Variants in PTPRH observed in about 807,000 individuals in gnomAD.
PTPRH encodes the protein receptor-type tyrosine-protein phosphatase H.
A neutral mutation model predicts 130.2 loss-of-function variants in PTPRH; 113 were observed. That is an observed-to-expected ratio of 0.87 (90% CI 0.75 to 1.01). PTPRH has a LOEUF of 1.01. PTPRH is among the 50% of genes least tolerant of loss of function. The pLI is 0.00. For synonymous variants in PTPRH, 556 were observed against 577.9 expected, an observed-to-expected ratio of 0.96 and a Z score of 0.54; for missense variants, 1,430 against 1,425.0, an observed-to-expected ratio of 1.00 and a Z score of -0.06.
chr19:55,193,627 T>A (rs2086603109), intron 10 of PTPRH, among the ~76,000 whole-genome samples: 1 of 152,066 alleles, frequency 6.6e-6, no homozygotes, highest in South Asian at 2.1e-4. Context: ...CTCAATATCC[T>A]ACAATGCGCA....
At chr19:55,190,865 G>A (rs778342098) in intron 12 of PTPRH, among the ~76,000 whole-genome samples, 2 of 150,792 alleles carry the variant, frequency 1.3e-5, no homozygotes, top group Admixed American at 6.6e-5. Flanking sequence ...TTTTTGAGAC[G>A]GAGTCTCGAT....
At chr19:55,195,346 T>C (rs1297974637) in intron 10 of PTPRH, among the ~76,000 whole-genome samples, 5 of 148,754 alleles carry the variant, frequency 3.4e-5, no homozygotes, top group African/African-American at 1.0e-4. Context: ...AAATAAAAAA[T>C]AAAAAGTTAG....
intron 14 of PTPRH, among the ~76,000 whole-genome samples, chr19:55,186,816 G>A (rs2086350106): frequency 6.6e-6 from 1 of 152,092 alleles, no homozygotes; most frequent in Non-Finnish European, 1.5e-5. Context: ...AGGCTGAGGT[G>A]GGTGGATCAC....
At chr19:55,183,995 G>T (rs1011192193) in intron 18 of PTPRH, among the ~76,000 whole-genome samples, 1 of 151,558 alleles carries the variant, frequency 6.6e-6, no homozygotes, top group Admixed American at 6.6e-5. Context: ...CTAAAATGGG[G>T]AGGACATTGC....
intron 3 of PTPRH, 134 bp downstream of exon 3, chr19:55,206,555 A>C: frequency 1.1e-6 from 1 of 944,492 alleles, no homozygotes; most frequent in South Asian, 2.9e-5. Context: ...CTGATAGAAA[A>C]TTGAAATTCT....
At chr19:55,192,073 A>G in intron 10 of PTPRH, 1 of 435,774 alleles carries the variant, frequency 2.3e-6, no homozygotes, top group Non-Finnish European at 4.5e-6. Flanking sequence ...ATTCTTAGTA[A>G]CATTTTTTTC....
intron 18 of PTPRH, among the ~76,000 whole-genome samples, chr19:55,182,570 CATCT>C (rs1306468862): frequency 6.6e-6 from 1 of 152,086 alleles, no homozygotes; most frequent in African/African-American, 2.4e-5. Context: ...GAGTTCCTTC[CATCT>C]GTTAGGCTCT....
At position 55,197,171 on chromosome 19, in the gene PTPRH, A is replaced by T; in HGVS notation, c.1936T>A (p.Trp646Arg). 6.2e-7 allele frequency: 1 copy of T among 1,614,242 alleles called. No homozygotes were observed. Among genetic ancestry groups the T allele is most frequent in the Middle Eastern group, 1.6e-4 (1 of 6,062 alleles). Residue 646 changes from tryptophan (W) to arginine (R), a missense_variant, in exon 9 of 20, where the codon TGG becomes AGG. By Grantham distance (101) the Trp-to-Arg change is moderately radical. Transcript: ENST00000376350. ...CTGGCTACGTCATTCCTCTCTGCCC[A>T]CACGGTGAAATTGTACAACGTCCCG... Reference protein sequence around the residue: ...EPGTLYNFTVWAERNDVASST... With the variant: ...EPGTLYNFTVRAERNDVASST...
chr19:55,203,334 A>G (rs2122258446), intron 5 of PTPRH, among the ~76,000 whole-genome samples: 1 of 151,568 alleles, frequency 6.6e-6, no homozygotes, highest in South Asian at 2.1e-4. Context: ...CTCAAAAAAA[A>G]AAAAAAAAAA....
intron 6 of PTPRH, among the ~76,000 whole-genome samples, chr19:55,201,160 T>C (rs1418861168): frequency 6.6e-6 from 1 of 151,972 alleles, no homozygotes; most frequent in Non-Finnish European, 1.5e-5. Context: ...GTAGGGAGAT[T>C]GCTTGAGGCC....
At chr19:55,187,894 C>G (rs1453608815) in intron 13 of PTPRH, among the ~76,000 whole-genome samples, 184 bp downstream of exon 13, 2 of 151,782 alleles carry the variant, frequency 1.3e-5, no homozygotes, top group African/African-American at 4.8e-5. Context: ...GACTGACCCA[C>G]CATTATTTTA....
Position 55,197,401 on chromosome 19 carries a change from G to T in PTPRH, c.1706C>A (p.Thr569Lys). ...LTAATAPNEVTDLQNETQTKN... is the reference protein window; with the variant it reads ...LTAATAPNEVKDLQNETQTKN... ...AGTCTGAGTTTCATTCTGGAGATCT[G>T]TGACCTCATTGGGAGCTGAGAAGTG... The change falls in exon 9 of 20, where the codon ACA (threonine) becomes AAA (lysine). Residue 569 changes from threonine to lysine, a missense_variant. By Grantham distance (78) the Thr-to-Lys change is moderately conservative. Transcript: ENST00000376350. 1 of 1,612,610 alleles carries T rather than the reference G, an allele frequency of 6.2e-7. No homozygotes were observed. Among genetic ancestry groups the T allele is most frequent in the Non-Finnish European group, 8.5e-7 (1 of 1,178,650 alleles).
At chr19:55,203,137 G>A (rs1299008720) in intron 5 of PTPRH, among the ~76,000 whole-genome samples, 2 of 151,470 alleles carry the variant, frequency 1.3e-5, no homozygotes, top group African/African-American at 4.8e-5. Flanking sequence ...GACCATCCTG[G>A]CTAACACGGT....
intron 16 of PTPRH, 82 bp downstream of exon 16, chr19:55,186,143 G>T: frequency 6.4e-7 from 1 of 1,571,510 alleles, no homozygotes; most frequent in South Asian, 1.2e-5. Flanking sequence ...AATCCGTAAG[G>T]TCTGGGTGTG....
At position 55,185,496 on chromosome 19, in the gene PTPRH, C is replaced by T. The variant is rs963233803; in HGVS notation, c.3062+6G>A. The T allele has an allele frequency of 1.9e-6, 3 of 1,613,822 alleles. No individual in the cohort carries two copies. Among genetic ancestry groups the T allele is most frequent in the Non-Finnish European group, 2.5e-6 (3 of 1,179,874 alleles). ...TCAAGGGAGAGGGTCCTGGGCTGGT[C>T]CCCACCTGCAGTGCACAATGGGTGG... On this transcript the variant is annotated splice_donor_region_variant and intron_variant, in intron 18 of 19. Coordinates refer to ENST00000376350, the MANE Select transcript of PTPRH (RefSeq NM_002842.5).
At chr19:55,206,609 T>A (rs1027413648) in intron 3 of PTPRH, 80 bp downstream of exon 3, 8 of 1,360,660 alleles carry the variant, frequency 5.9e-6, no homozygotes, top group Non-Finnish European at 7.8e-6. Context: ...AAAGAACCTG[T>A]CGCATTTTGT....
At chr19:55,192,767 G>C (rs1203122279) in intron 10 of PTPRH, among the ~76,000 whole-genome samples, 2 of 151,586 alleles carry the variant, frequency 1.3e-5, no homozygotes, top group Admixed American at 6.6e-5. Context: ...TAGCCAGGGT[G>C]GTCCTGATCT....
chr19:55,186,528 CG>C lies in PTPRH; in HGVS notation c.2578del (p.Arg860GlyfsTer4), dbSNP rs1568892984. 8.5e-6 allele frequency: 12 copies of C among 1,411,048 alleles called. No homozygotes were observed. The highest frequency in any genetic ancestry group is 2.0e-4 in the Middle Eastern group (1 of 5,070). The allele number at this position is 1,411,048 out of a possible 1,614,324, so 87.4% of individuals were successfully genotyped here. On this transcript the variant is annotated frameshift_variant, in exon 15 of 20. Coordinates refer to ENST00000376350, the MANE Select transcript of PTPRH (RefSeq NM_002842.5). ...YRNVLPYDWS[R>X]VPLKPIHEEP... ...CTCATGGATGGGCTTCAGGGGCACCCGGGACCAGTCATCTAGGAGAAGAGGC... is the reference window on the plus strand; with the variant it reads ...CTCATGGATGGGCTTCAGGGGCACCCGGACCAGTCATCTAGGAGAAGAGGC...
chr19:55,188,017 G>C, intron 13 of PTPRH, 61 bp downstream of exon 13: 1 of 1,056,760 alleles, frequency 9.5e-7, no homozygotes, highest in South Asian at 1.2e-5. Context: ...CCAGGGGGTG[G>C]GGGGTGGGGG....
Sources: gnomAD v4.1 joint callset for allele counts (sites outside exome capture counted in the v4.1 genomes callset) on GRCh38, gnomAD v4.1.1 for gene constraint, MANE v1.5 for transcripts, NCBI Gene and HGNC (gene_info 2026-07-23, HGNC 2026-07-21) for gene names.